CMYA5: variants seen among roughly 807,000 people sequenced by gnomAD.
The protein encoded by CMYA5 is cardiomyopathy associated 5.
CMYA5 carries 246 observed loss-of-function variants against 318.9 expected under a neutral mutation model. That is an observed-to-expected ratio of 0.77 (90% CI 0.70 to 0.86). CMYA5 has a LOEUF of 0.86. Ranked by LOEUF, CMYA5 falls within the 40% of genes least tolerant of loss-of-function variation. CMYA5 has a pLI of 0.00. For synonymous variants in CMYA5, 1,641 were observed against 1,729.5 expected, an observed-to-expected ratio of 0.95 and a Z score of 1.27; for missense variants, 4,589 against 4,678.2, an observed-to-expected ratio of 0.98 and a Z score of 0.56.
rs1268894830 is a variant in CMYA5, at chr5:79,738,116, A to G, written c.9351A>G (p.Gly3117=). ...TGAAATTAGATGAAAGTTTTTATGG[A>G]CCAGAAAAGGGCCACAACATATTAT... The part of the protein sequence containing the change: ...DLVKLDESFY[G]PEKGHNILSH... Residue 3117 remains glycine (G), a synonymous_variant, in exon 2 of 13, where the codon GGA becomes GGG. Transcript: ENST00000446378. 32 of 1,613,540 alleles carry G rather than the reference A, an allele frequency of 2.0e-5. No homozygotes were observed. The highest frequency in any genetic ancestry group is 2.7e-5 in the Non-Finnish European group (32 of 1,179,784).
intron 10 of CMYA5, among the ~76,000 whole-genome samples, chr5:79,790,706 G>T (rs1011281721): frequency 6.6e-6 from 1 of 152,252 alleles, no homozygotes; most frequent in South Asian, 2.1e-4. Context: ...TGCTGCTGGT[G>T]CAAGGAGCAC....
In CMYA5 at chr5:79,689,982, G is replaced by A; in HGVS notation, c.75G>A (p.Glu25=). 9 of 1,397,044 alleles carry A rather than the reference G, an allele frequency of 6.4e-6. No individual in the cohort carries two copies. Among genetic ancestry groups the A allele is most frequent in the Non-Finnish European group, 8.8e-6 (9 of 1,018,812 alleles). The allele number at this position is 1,397,044 out of a possible 1,614,324, so 86.5% of individuals were successfully genotyped here. Residue 25 remains glutamate, a synonymous_variant, in exon 1 of 13, where the codon GAG becomes GAA. Coordinates refer to ENST00000446378, the MANE Select transcript of CMYA5 (RefSeq NM_153610.5). ...GSDGDEEATR[E]LETEEESEGE... ...ACGGGGACGAGGAGGCGACCCGGGA[G>A]CTGGAGACCGAGGAGGAGTCGGAGG...
rs543075653 is a variant in CMYA5 at position 79,738,084 on chromosome 5, G to A, written c.9319G>A (p.Asp3107Asn). The stretch of plus-strand genomic sequence containing the variant: ...GGAAAGTGCACTAGAACATGAATAT[G>A]ACTTGGTGAAATTAGATGAAAGTTT... Reference protein sequence around the residue: ...SVESALEHEYDLVKLDESFYG... With the variant: ...SVESALEHEYNLVKLDESFYG... Residue 3107 changes from aspartate (D) to asparagine (N), a missense_variant, in exon 2 of 13, where the codon GAC becomes AAC. This residue lies in a region of CMYA5 where 2,431 missense variants were observed against 2,495.1 expected (regional missense o/e 0.97). Coordinates refer to ENST00000446378, the MANE Select transcript of CMYA5 (RefSeq NM_153610.5). 1 of 1,613,454 alleles carries A rather than the reference G, an allele frequency of 6.2e-7. No homozygotes were observed. Among genetic ancestry groups the A allele is most frequent in the African/African-American group, 1.3e-5 (1 of 74,984 alleles).
Position 79,736,338 on chromosome 5 carries a change from G to A in CMYA5, c.7573G>A (p.Glu2525Lys). The A allele has an allele frequency of 8.1e-6, 13 of 1,613,554 alleles. No homozygotes were observed. The highest frequency in any genetic ancestry group is 1.0e-5 in the Non-Finnish European group (12 of 1,179,726). Residue 2525 changes from glutamate to lysine, a missense_variant, in exon 2 of 13, where the codon GAA (glutamate) becomes AAA (lysine). Transcript: ENST00000446378. ...QHFYQNEDYN[E>K]RPKIIVGSEK... ...CTTCTATCAAAATGAAGACTACAAT[G>A]AAAGACCCAAAATCATTGTTGGTTC... is the stretch of plus-strand genomic sequence containing the variant.
chr5:79,746,623 T>G (rs1017173435), intron 4 of CMYA5, among the ~76,000 whole-genome samples: 1 of 147,916 alleles, frequency 6.8e-6, no homozygotes, highest in African/African-American at 2.5e-5. Context: ...TTGGAAAATA[T>G]AGAAAAGCAC....
Position 79,690,022 on chromosome 5 carries a change from A to G in CMYA5, c.115A>G (p.Thr39Ala), listed in dbSNP as rs1826925237. The G allele has an allele frequency of 2.7e-6, 4 of 1,480,142 alleles. No individual in the cohort carries two copies. Among genetic ancestry groups the G allele is most frequent in the African/African-American group, 1.5e-5 (1 of 68,318 alleles). The allele number at this position is 1,480,142 out of a possible 1,614,324, so 91.7% of individuals were successfully genotyped here. A position where few individuals can be genotyped will look rare whatever the true frequency, so the allele number is the denominator to read the frequency against. ...EEESEGEEDE[T>A]AAESEEEPDS... ...GGAGTCGGAGGGCGAGGAGGACGAG[A>G]CGGCGGCGGAGTCGGAGGAGGAGCC... is the stretch of plus-strand genomic sequence containing the variant. Residue 39 changes from threonine (T) to alanine (A), a missense_variant, in exon 1 of 13, where the codon ACG becomes GCG. Thr to Ala is a moderately conservative substitution (Grantham distance 58). This residue lies in a region of CMYA5 where 2,132 missense variants were observed against 2,131.3 expected (regional missense o/e 1.00). Transcript: ENST00000446378.
rs771207123 is a variant in CMYA5, at chr5:79,731,437, A to G, written c.2672A>G (p.Glu891Gly). 1 of 1,613,106 alleles carries G rather than the reference A, an allele frequency of 6.2e-7. No homozygotes were observed. Among genetic ancestry groups the G allele is most frequent in the Non-Finnish European group, 8.5e-7 (1 of 1,179,466 alleles). The change falls in exon 2 of 13, where the codon GAA becomes GGA. Residue 891 changes from glutamate (E) to glycine (G), a missense_variant. Glu to Gly is a moderately conservative substitution (Grantham distance 98, BLOSUM62 -2). This residue lies in a region of CMYA5 where 2,132 missense variants were observed against 2,131.3 expected (regional missense o/e 1.00). Transcript: ENST00000446378. ...VLSDEEAVEL[E>G]RYTPSSTSAS... Reference sequence around the variant, plus strand: ...TCAGACGAAGAGGCAGTCGAGTTGGAACGATACACACCCTCTTCTACATCT... The same window carrying G: ...TCAGACGAAGAGGCAGTCGAGTTGGGACGATACACACCCTCTTCTACATCT...
chr5:79,709,960 C>CAAAAAAAAAAAAAAAAAAAAAAAA (rs61657639), intron 1 of CMYA5, among the ~76,000 whole-genome samples: 1 of 24,324 alleles, frequency 4.1e-5, no homozygotes, highest in African/African-American at 1.5e-4. Flanking sequence ...GACTCCATCT[C>CAAAAAAAAAAAAAAAAAAAAAAAA]AAAAAAAAAA....
Position 79,735,772 on chromosome 5 carries a change from TTCC to T in CMYA5, c.7013_7015del (p.Pro2338del). 1 of 1,569,294 alleles carries T rather than the reference TTCC, an allele frequency of 6.4e-7. No homozygotes were observed. On this transcript the variant is annotated inframe_deletion, in exon 2 of 13. Coordinates refer to ENST00000446378, the MANE Select transcript of CMYA5 (RefSeq NM_153610.5). ...GTTATGGAAGAAGCCAAAACTATTGTTCCTCCTCATGTTACTGATAGTAAAAGA... is the reference window on the plus strand; with the variant it reads ...GTTATGGAAGAAGCCAAAACTATTGTTCCTCATGTTACTGATAGTAAAAGA...
Position 79,739,052 on chromosome 5 carries a change from T to G in CMYA5, c.10287T>G (p.Asn3429Lys). ...DEYEFTESLH[N>K]EVVPQDILSE... is the part of the protein sequence containing the mutation. ...ATGAATTTACAGAATCCCTGCATAA[T>G]GAAGTGGTTCCTCAAGACATATTAT... Residue 3429 changes from asparagine to lysine, a missense_variant, in exon 2 of 13, where the codon AAT (asparagine) becomes AAG (lysine). Physicochemically the swap from Asn to Lys is moderately conservative, Grantham distance 94. This residue lies in a region of CMYA5 where 2,431 missense variants were observed against 2,495.1 expected (regional missense o/e 0.97). Transcript: ENST00000446378. The G allele has an allele frequency of 6.2e-7, 1 of 1,613,934 alleles. No individual in the cohort carries two copies. Among genetic ancestry groups the G allele is most frequent in the Non-Finnish European group, 8.5e-7 (1 of 1,179,868 alleles).
intron 12 of CMYA5, among the ~76,000 whole-genome samples, chr5:79,796,573 G>A (rs12332127): frequency 0.061 from 9,251 of 152,222 alleles, 376 homozygotes; most frequent in Non-Finnish European, 0.095. Context: ...GCTAACTTTT[G>A]TATTTTTAGT....
chr5:79,784,926 C>T (rs972343586), intron 9 of CMYA5, among the ~76,000 whole-genome samples: 2 of 152,178 alleles, frequency 1.3e-5, no homozygotes, highest in African/African-American at 4.8e-5. Context: ...TCCTATTCGG[C>T]CATCTTGGCT....
chr5:79,730,496 G>A lies in CMYA5; in HGVS notation c.1731G>A (p.Leu577=). ...LAASSPEHVA[L]SEEEREEIAS... is the part of the protein sequence containing the mutation. ...CATCATCTCCTGAACATGTTGCTTT[G>A]TCTGAGGAAGAAAGAGAGGAAATTG... Residue 577 remains leucine (L), a synonymous_variant, in exon 2 of 13, where the codon TTG becomes TTA. Transcript: ENST00000446378. 2.5e-6 allele frequency: 4 copies of A among 1,613,894 alleles called. No homozygotes were observed. The highest frequency in any genetic ancestry group is 3.4e-6 in the Non-Finnish European group (4 of 1,179,864).
At chr5:79,761,604 G>A (rs1160142171) in intron 7 of CMYA5, among the ~76,000 whole-genome samples, 1 of 152,172 alleles carries the variant, frequency 6.6e-6, no homozygotes, top group Non-Finnish European at 1.5e-5. Flanking sequence ...GTGTTAACAA[G>A]TATTACTATG....
In CMYA5 at chr5:79,735,778, C is replaced by T. The variant is rs749562239; in HGVS notation, c.7013C>T (p.Pro2338Leu). 2.6e-6 allele frequency: 4 copies of T among 1,564,202 alleles called. No homozygotes were observed. In the Admixed American group the frequency reaches 8.1e-5, roughly 32 times the overall value. ...VMEEAKTIVP[P>L]HVTDSKRVQK... is the part of the protein sequence containing the mutation. ...GAAGAAGCCAAAACTATTGTTCCTCCTCATGTTACTGATAGTAAAAGAGTC... is the reference window on the plus strand; with the variant it reads ...GAAGAAGCCAAAACTATTGTTCCTCTTCATGTTACTGATAGTAAAAGAGTC... The change falls in exon 2 of 13, where the codon CCT becomes CTT. Residue 2338 changes from proline to leucine, a missense_variant. Around this residue, in one of 3 missense-constraint regions of CMYA5, gnomAD observed 2,431 missense variants for 2,495.1 expected, o/e 0.97. Transcript: ENST00000446378.
rs34198193 is a variant in CMYA5 at position 79,726,909 on chromosome 5, A to ATTTTTTTTTTTTTTTTTTTTTTTTTTTT, written c.150-1983_150-1982insTTTTTTTTTTTTTTTTTTTTTTTTTTTT. ...AGAGCTAGGATTGTTTAGGCCAGTGATTTTTTTTTTTTTTTTTTTTTTTGA... is the reference window on the plus strand; with the variant it reads ...AGAGCTAGGATTGTTTAGGCCAGTGATTTTTTTTTTTTTTTTTTTTTTTTTTTTTTTTTTTTTTTTTTTTTTTTTTTGA... On this transcript the variant is annotated intron_variant, in intron 1 of 12. Coordinates refer to ENST00000446378, the MANE Select transcript of CMYA5 (RefSeq NM_153610.5). Among the ~76,000 whole-genome samples, 5 of 96,040 alleles carry ATTTTTTTTTTTTTTTTTTTTTTTTTTTT rather than the reference A, an allele frequency of 5.2e-5. 1 individual carries two copies. The highest frequency in any genetic ancestry group is 1.0e-4 in the African/African-American group (2 of 19,240). 63.0% of individuals were successfully genotyped at this position (96,040 alleles called of 152,430 possible).
intron 6 of CMYA5, among the ~76,000 whole-genome samples, chr5:79,755,267 T>C (rs765291969): frequency 6.6e-5 from 10 of 152,126 alleles, no homozygotes; most frequent in African/African-American, 2.4e-4. Context: ...AAACTTTCAT[T>C]TTGGTATTTT....
At chr5:79,798,513 A>G (rs1829311372) in intron 12 of CMYA5, among the ~76,000 whole-genome samples, 1 of 152,122 alleles carries the variant, frequency 6.6e-6, no homozygotes, top group Non-Finnish European at 1.5e-5. Flanking sequence ...CCTGGCCTTG[A>G]ACCTTTCCCT....
intron 1 of CMYA5, among the ~76,000 whole-genome samples, chr5:79,720,120 A>G (rs949805971): frequency 3.3e-5 from 5 of 152,172 alleles, no homozygotes; most frequent in Non-Finnish European, 5.9e-5. Flanking sequence ...GGCAGAAGCA[A>G]TATTTGAACA....
Sources: gnomAD v4.1 joint callset for allele counts (sites outside exome capture counted in the v4.1 genomes callset) on GRCh38, gnomAD v4.1.1 for gene constraint, gnomAD v4.1.1 regional missense constraint, MANE v1.5 for transcripts, NCBI Gene and HGNC (gene_info 2026-07-23, HGNC 2026-07-21) for gene names.